The following GIT1 variants were observed in gnomAD, a reference collection of about 807,000 sequenced individuals.
GIT1 encodes the protein GIT ArfGAP 1, also known as ARF GTPase-activating protein GIT1.
A neutral mutation model predicts 91.7 loss-of-function variants in GIT1; 14 were observed. The ratio of observed to expected loss-of-function variants is 0.15; its 90% CI spans 0.10 to 0.24. The LOEUF (loss-of-function observed/expected upper bound fraction) is 0.24, where lower values mean the gene tolerates loss of function less well. Ranked by LOEUF, GIT1 falls within the 10% of genes least tolerant of loss-of-function variation. GIT1 has a pLI of 1.00. For missense variants in GIT1, 717 were observed against 1,024.9 expected, an observed-to-expected ratio of 0.70 and a Z score of 4.10; for synonymous variants, 414 against 418.2, an observed-to-expected ratio of 0.99 and a Z score of 0.12.
intron 13 of GIT1, 28 bp downstream of exon 13, chr17:29,576,494 C>T (rs750430432): frequency 1.2e-6 from 2 of 1,613,186 alleles, no homozygotes; most frequent in East Asian, 2.2e-5. Flanking sequence ...TCCTGGGGCT[C>T]CCCCTCCCAC....
Position 29,589,445 on chromosome 17 carries a change from G to A in GIT1, c.-67C>T. 19 of 645,064 alleles carry A rather than the reference G, an allele frequency of 2.9e-5. No homozygotes were observed. Among genetic ancestry groups the A allele is most frequent in the Non-Finnish European group, 3.6e-5 (19 of 521,324 alleles). 40.0% of individuals were successfully genotyped at this position (645,064 alleles called of 1,614,324 possible). On this transcript the variant is annotated 5_prime_UTR_variant, in exon 1 of 20. Transcript: ENST00000225394. This position sits in a 1 kb window ranked among gnomAD's most constrained non-coding sequence, Gnocchi z 5.2. ...GGGGCGCGGGCGGCGGGCCCGGGCG[G>A]CGGCGGCGGCCCCTGCTGCCCGGCC...
At chr17:29,576,475 C>T in intron 13 of GIT1, 25 bp from the exon 14 acceptor site, 2 of 1,613,152 alleles carry the variant, frequency 1.2e-6, no homozygotes, top group Non-Finnish European at 1.7e-6. Flanking sequence ...TGCTGTCAAC[C>T]CCCTGGAGTC....
intron 1 of GIT1, among the ~76,000 whole-genome samples, chr17:29,585,110 C>G (rs994969622): frequency 1.3e-5 from 2 of 151,974 alleles, no homozygotes; most frequent in African/African-American, 2.4e-5. Context: ...GGGGCTGACT[C>G]CAGGGCTCAG....
Position 29,575,527 on chromosome 17 carries a change from C to T in GIT1, c.1827-57G>A, listed in dbSNP as rs1330982595. On this transcript the variant is annotated intron_variant, in intron 17 of 19. Coordinates refer to ENST00000225394, the MANE Select transcript of GIT1 (RefSeq NM_014030.4). This position sits in a 1 kb window ranked among gnomAD's most constrained non-coding sequence, Gnocchi z 5.5. The stretch of plus-strand genomic sequence containing the variant: ...GATACATATAGAGAAAGACACGTTC[C>T]AGCCTCGGAGCCGCCCGCCTTGGTC... The T allele has an allele frequency of 6.4e-7, 1 of 1,567,740 alleles. No individual in the cohort carries two copies. Among genetic ancestry groups the T allele is most frequent in the Non-Finnish European group, 8.7e-7 (1 of 1,149,688 alleles).
At chr17:29,579,673 T>A (rs956752938) in intron 7 of GIT1, among the ~76,000 whole-genome samples, 2 of 151,264 alleles carry the variant, frequency 1.3e-5, no homozygotes, top group Non-Finnish European at 2.9e-5. Flanking sequence ...TGGTAAGCTA[T>A]GATCAAGCCA....
At chr17:29,586,047 G>A (rs1013566461) in intron 1 of GIT1, among the ~76,000 whole-genome samples, 2 of 151,610 alleles carry the variant, frequency 1.3e-5, no homozygotes, top group African/African-American at 4.9e-5. Flanking sequence ...CTGAGCTAAG[G>A]GCCAGATCTC....
chr17:29,576,427 G>C lies in GIT1; in HGVS notation c.1404C>G (p.Asn468Lys). Residue 468 changes from asparagine to lysine, a missense_variant, in exon 14 of 20, where the codon AAC (asparagine) becomes AAG (lysine). Coordinates refer to ENST00000225394, the MANE Select transcript of GIT1 (RefSeq NM_014030.4). ...QREIHKLQAE[N>K]LQLRQPPGPV... ...GCCCTGGAGGCTGCCGGAGCTGCAGGTTCTCCGCCTGCAGCTTGTGGATCT... is the reference window on the plus strand; with the variant it reads ...GCCCTGGAGGCTGCCGGAGCTGCAGCTTCTCCGCCTGCAGCTTGTGGATCT... 9 of 1,612,848 alleles carry C rather than the reference G, an allele frequency of 5.6e-6. No homozygotes were observed. The highest frequency in any genetic ancestry group is 7.6e-6 in the Non-Finnish European group (9 of 1,179,634).
Position 29,589,294 on chromosome 17 carries a change from G to T in GIT1, c.52+33C>A. ...GCGCCCGCCCGGCGGCGGCCTGGCT[G>T]TGCGGTCCCGCCCCCGGCCCCGCCG... On this transcript the variant is annotated intron_variant, in intron 1 of 19. Transcript: ENST00000225394. This position sits in a 1 kb window ranked among gnomAD's most constrained non-coding sequence, Gnocchi z 5.2. The T allele has an allele frequency of 1.0e-6, 1 of 974,320 alleles. No homozygotes were observed. The highest frequency in any genetic ancestry group is 1.2e-6 in the Non-Finnish European group (1 of 816,154). The allele number at this position is 974,320 out of a possible 1,614,324, so 60.4% of individuals were successfully genotyped here.
Position 29,574,771 on chromosome 17 carries a change from C to T in GIT1, c.2217G>A (p.Gln739=), listed in dbSNP as rs547494712. The T allele has an allele frequency of 2.7e-4, 428 of 1,613,474 alleles. 6 individuals carry two copies. The South Asian group carries it at 4.6e-3, about 17-fold the overall frequency. ...CAGCCTTGGCGATGTCATAGGCGCA[C>T]TGGATCACCTGCTGAGTCAGCAGCT... The part of the protein sequence containing the change: ...DFQLLTQQVI[Q]CAYDIAKAAK... Residue 739 remains glutamine (Q), a synonymous_variant, in exon 20 of 20, where the codon CAG becomes CAA. Transcript: ENST00000225394.
chr17:29,581,725 C>T lies in GIT1; in HGVS notation c.718+17G>A. The stretch of plus-strand genomic sequence containing the variant: ...GCCAGGCCTGTCACAGCCAGGCGCC[C>T]CCCAAGCTCTGCTCACCCGGCTTGC... On this transcript the variant is annotated intron_variant, in intron 6 of 19. Coordinates refer to ENST00000225394, the MANE Select transcript of GIT1 (RefSeq NM_014030.4). This position sits in a 1 kb window ranked among gnomAD's most constrained non-coding sequence, Gnocchi z 4.8. The T allele has an allele frequency of 6.2e-7, 1 of 1,600,720 alleles. No homozygotes were observed. Among genetic ancestry groups the T allele is most frequent in the Non-Finnish European group, 8.5e-7 (1 of 1,173,858 alleles).
At chr17:29,588,837 T>C (rs1598584460) in intron 1 of GIT1, among the ~76,000 whole-genome samples, 1 of 152,194 alleles carries the variant, frequency 6.6e-6, no homozygotes, top group Non-Finnish European at 1.5e-5. Context: ...CAGGCCCCAC[T>C]GGCGCATCTG....
At position 29,583,472 on chromosome 17, in the gene GIT1, G is replaced by A. The variant is rs764153712; in HGVS notation, c.186+11C>T. The A allele has an allele frequency of 1.3e-5, 21 of 1,611,078 alleles. No homozygotes were observed. The highest frequency in any genetic ancestry group is 2.7e-5 in the African/African-American group (2 of 75,032). ...GAGGGGAAGGAAGAACCACCCGACT[G>A]AGCCCTGTACCTGCAGCAGCGTGGG... On this transcript the variant is annotated intron_variant, in intron 2 of 19. Coordinates refer to ENST00000225394, the MANE Select transcript of GIT1 (RefSeq NM_014030.4).
rs145991218 is a variant in GIT1 at position 29,575,138 on chromosome 17, C to A, written c.2014G>T (p.Val672Leu). The A allele has an allele frequency of 6.3e-7, 1 of 1,597,672 alleles. No homozygotes were observed. Among genetic ancestry groups the A allele is most frequent in the Non-Finnish European group, 8.6e-7 (1 of 1,168,864 alleles). The change falls in exon 19 of 20, where the codon GTG (valine) becomes TTG (leucine). Residue 672 changes from valine (V) to leucine (L), a missense_variant. Around this residue, in one of 3 missense-constraint regions of GIT1, gnomAD observed 134 missense variants for 223.8 expected, o/e 0.60. Transcript: ENST00000225394. This position sits in a 1 kb window ranked among gnomAD's most constrained non-coding sequence, Gnocchi z 5.5. Reference protein sequence around the residue: ...AAQEFKHDSFVPCSEKIHLAV... With the variant: ...AAQEFKHDSFLPCSEKIHLAV... ...AAATGGATCTTCTCTGAGCAGGGCACGAAGCTGCGGGGAGAAGGGAGGCTA... is the reference window on the plus strand; with the variant it reads ...AAATGGATCTTCTCTGAGCAGGGCAAGAAGCTGCGGGGAGAAGGGAGGCTA...
chr17:29,583,785 TC>T (rs2033486443), intron 1 of GIT1, 169 bp from the exon 2 acceptor site: 1 of 700,972 alleles, frequency 1.4e-6, no homozygotes, highest in South Asian at 1.9e-5. Context: ...GTGAGGGATC[TC>T]CCCAAGAGCT....
At position 29,575,488 on chromosome 17, in the gene GIT1, A is replaced by C. The variant is rs2150822756; in HGVS notation, c.1827-18T>G. On this transcript the variant is annotated intron_variant, in intron 17 of 19. Transcript: ENST00000225394. This position sits in a 1 kb window ranked among gnomAD's most constrained non-coding sequence, Gnocchi z 5.5. ...CTTCCAGCCTGAGGCCCAGGTCCAGAAAACAGAGACAAAGATACATATAGA... is the reference window on the plus strand; with the variant it reads ...CTTCCAGCCTGAGGCCCAGGTCCAGCAAACAGAGACAAAGATACATATAGA... 1.3e-6 allele frequency: 2 copies of C among 1,593,714 alleles called. No individual in the cohort carries two copies. The highest frequency in any genetic ancestry group is 1.7e-4 in the Middle Eastern group (1 of 5,896).
At chr17:29,578,675 G>A in intron 8 of GIT1, 56 bp downstream of exon 8, 1 of 1,432,102 alleles carries the variant, frequency 7.0e-7, no homozygotes, top group Non-Finnish European at 9.9e-7. Flanking sequence ...AGCAGAGGGT[G>A]GGGGATCAGA....
rs2033108594 is a variant in GIT1 at position 29,574,440 on chromosome 17, CCTG to C, written c.*259_*261del. On this transcript the variant is annotated 3_prime_UTR_variant, in exon 20 of 20. Transcript: ENST00000225394. The stretch of plus-strand genomic sequence containing the variant: ...GGCTGGGAGTGATGCCTTGCAGGCC[CCTG>C]CTCACTAGGAGGGGGGAGATGCTAT... 3 of 520,400 alleles carry C rather than the reference CCTG, an allele frequency of 5.8e-6. No individual in the cohort carries two copies. Among genetic ancestry groups the C allele is most frequent in the Non-Finnish European group, 1.0e-5 (3 of 286,956 alleles). 32.2% of individuals were successfully genotyped at this position (520,400 alleles called of 1,614,324 possible).
intron 11 of GIT1, 42 bp from the exon 12 acceptor site, chr17:29,577,038 C>T (rs1392467063): frequency 6.2e-7 from 1 of 1,606,488 alleles, no homozygotes; most frequent in East Asian, 2.2e-5. Flanking sequence ...CTCCACCACA[C>T]AACCCATCTC....
In GIT1 at chr17:29,574,599, C is replaced by T. The variant is rs952877001; in HGVS notation, c.*103G>A. On this transcript the variant is annotated 3_prime_UTR_variant, in exon 20 of 20. Coordinates refer to ENST00000225394, the MANE Select transcript of GIT1 (RefSeq NM_014030.4). ...AGGGAGTGTGGCAGCACTAAGGGCACTTGTGCCAGTGGCTCTGTTGGGGTG... is the reference window on the plus strand; with the variant it reads ...AGGGAGTGTGGCAGCACTAAGGGCATTTGTGCCAGTGGCTCTGTTGGGGTG... 9.9e-7 allele frequency: 1 copy of T among 1,013,326 alleles called. No homozygotes were observed. The highest frequency in any genetic ancestry group is 1.5e-6 in the Non-Finnish European group (1 of 647,400). 62.8% of individuals were successfully genotyped at this position (1,013,326 alleles called of 1,614,324 possible).
Sources: allele counts gnomAD v4.1 joint callset (sites outside exome capture counted in the v4.1 genomes callset), GRCh38; gene constraint gnomAD v4.1.1; regional missense constraint gnomAD v4.1.1; non-coding constraint Gnocchi (gnomAD v3.1); transcripts MANE v1.5; gene names NCBI Gene and HGNC (gene_info 2026-07-23, HGNC 2026-07-21).